ZNF257: variants seen among roughly 807,000 people sequenced by gnomAD.
ZNF257 encodes the protein zinc finger protein 257.
In ZNF257, 12 loss-of-function variants were observed where a neutral mutation model predicts 11.9. The observed-to-expected ratio is 1.01, with a 90% confidence interval of 0.65 to 1.63. The LOEUF is 1.63. Ranked by LOEUF, ZNF257 falls within the 40% of genes most tolerant of loss-of-function variation. The pLI is 0.00. For synonymous variants in ZNF257, 183 were observed against 222.7 expected (o/e 0.82, Z 1.59); for missense variants, 580 against 665.5 (o/e 0.87, Z 1.41).
intron 1 of ZNF257, among the ~76,000 whole-genome samples, chr19:22,058,783 G>A (rs1043506939): frequency 1.3e-5 from 2 of 152,080 alleles, no homozygotes; most frequent in Non-Finnish European, 2.9e-5. Context: ...TTCCACAGCT[G>A]TCAGCACAGG....
At chr19:22,064,700 C>A (rs1015792450) in intron 1 of ZNF257, among the ~76,000 whole-genome samples, 2 of 152,146 alleles carry the variant, frequency 1.3e-5, no homozygotes, top group East Asian at 1.9e-4. Flanking sequence ...CCGTTTATTA[C>A]TTCAGAACAA....
intron 1 of ZNF257, among the ~76,000 whole-genome samples, chr19:22,069,845 A>G (rs1335834394): frequency 2.0e-5 from 3 of 152,118 alleles, no homozygotes; most frequent in Admixed American, 2.0e-4. Context: ...TTAAAGTTAC[A>G]TGAACTCTGG....
At chr19:22,061,345 A>C (rs1482093783) in intron 1 of ZNF257, among the ~76,000 whole-genome samples, 4 of 151,996 alleles carry the variant, frequency 2.6e-5, no homozygotes, top group Admixed American at 6.6e-5. Context: ...TGTCATAGAG[A>C]TCTTTCACCC....
chr19:22,090,783 T>G lies in ZNF257; in HGVS notation c.*1341T>G, dbSNP rs2022607971. 1.3e-5 allele frequency: 2 copies of G among 152,178 alleles called. No individual in the cohort carries two copies. The highest frequency in any genetic ancestry group is 4.1e-4 in the South Asian group (2 of 4,838). 9.4% of individuals were successfully genotyped at this position (152,178 alleles called of 1,614,324 possible). On this transcript the variant is annotated 3_prime_UTR_variant, in exon 4 of 4. Coordinates refer to ENST00000594947, the MANE Select transcript of ZNF257 (RefSeq NM_033468.4). The stretch of plus-strand genomic sequence containing the variant: ...GTAAGTCAACTCTCAAATTACTTCA[T>G]GCTGTTTCTTCATTTCTATTGTATT...
chr19:22,089,709 A>G lies in ZNF257; in HGVS notation c.*267A>G. The G allele has an allele frequency of 1.3e-6, 1 of 740,840 alleles. No homozygotes were observed. Among genetic ancestry groups the G allele is most frequent in the Non-Finnish European group, 2.0e-6 (1 of 506,610 alleles). The allele number at this position is 740,840 out of a possible 1,614,324, so 45.9% of individuals were successfully genotyped here. Reference sequence around the variant, plus strand: ...CACATGTGGAAGATAAAGCCTACAAATATGAAGAATGTGACAAGGCCTTTA... The same window carrying G: ...CACATGTGGAAGATAAAGCCTACAAGTATGAAGAATGTGACAAGGCCTTTA... On this transcript the variant is annotated 3_prime_UTR_variant, in exon 4 of 4. Transcript: ENST00000594947.
Position 22,088,870 on chromosome 19 carries a change from T to C in ZNF257, c.1120T>C (p.Cys374Arg). The change falls in exon 4 of 4, where the codon TGT (cysteine) becomes CGT (arginine). Residue 374 changes from cysteine (C) to arginine (R), a missense_variant. Cys to Arg is a radical substitution (Grantham distance 180). Transcript: ENST00000594947. The stretch of plus-strand genomic sequence containing the variant: ...TCATACTAAAGAGAAACCCTACAAA[T>C]GTGAAGAGTGTGGAAAAGCCTTTAA... ...IIHTKEKPYKCEECGKAFNRS... is the reference protein window; with the variant it reads ...IIHTKEKPYKREECGKAFNRS... The C allele has an allele frequency of 6.2e-7, 1 of 1,613,388 alleles. No homozygotes were observed. Among genetic ancestry groups the C allele is most frequent in the Non-Finnish European group, 8.5e-7 (1 of 1,179,708 alleles).
At chr19:22,078,236 TAAAAAAA>T (rs56056830) in intron 3 of ZNF257, among the ~76,000 whole-genome samples, 8 of 102,152 alleles carry the variant, frequency 7.8e-5, no homozygotes, top group Non-Finnish European at 1.4e-4. Flanking sequence ...AGACTCCAAC[TAAAAAAA>T]AAAAAAAAAA....
rs372373895 is a variant in ZNF257, at chr19:22,069,240, C to T, written c.4-3569C>T. 1.4e-4 allele frequency among the ~76,000 whole-genome samples: 21 copies of T among 152,164 alleles called. No homozygotes were observed. In the East Asian group the frequency reaches 2.9e-3, roughly 21 times the overall value. On this transcript the variant is annotated intron_variant, in intron 1 of 3. Transcript: ENST00000594947. ...GCAACTGGATAAACGATGAATTAAG[C>T]ATCATATGGTTGATATAATAAATAG...
At chr19:22,066,964 T>G (rs1250030957) in intron 1 of ZNF257, among the ~76,000 whole-genome samples, 2 of 151,752 alleles carry the variant, frequency 1.3e-5, no homozygotes, top group African/African-American at 4.9e-5. Context: ...CTGTAGAAAG[T>G]TTTTCTTTTC....
intron 1 of ZNF257, among the ~76,000 whole-genome samples, chr19:22,059,959 A>T (rs2021750314): frequency 6.6e-6 from 1 of 152,084 alleles, no homozygotes; most frequent in South Asian, 2.1e-4. Flanking sequence ...CAAACTCCTG[A>T]GCTCTGGCAA....
chr19:22,089,097 T>A lies in ZNF257; in HGVS notation c.1347T>A (p.His449Gln), dbSNP rs1286853897. The A allele has an allele frequency of 6.2e-7, 1 of 1,613,774 alleles. No homozygotes were observed. The highest frequency in any genetic ancestry group is 8.5e-7 in the Non-Finnish European group (1 of 1,179,888). The change falls in exon 4 of 4, where the codon CAT becomes CAA. Residue 449 changes from histidine (H) to glutamine (Q), a missense_variant. Transcript: ENST00000594947. ...AFNRSSYLIR[H>Q]KIIHTGEKPY... ...ACCGGTCTTCATACCTTATTCGACA[T>A]AAGATAATTCATACTGGAGAGAAAC...
chr19:22,067,028 G>C (rs1395914137), intron 1 of ZNF257, among the ~76,000 whole-genome samples: 1 of 151,710 alleles, frequency 6.6e-6, no homozygotes. Context: ...AAACACATAA[G>C]GTGCCAGCCA....
chr19:22,085,116 G>A (rs867989959), intron 3 of ZNF257, among the ~76,000 whole-genome samples: 12 of 151,976 alleles, frequency 7.9e-5, no homozygotes, highest in South Asian at 2.1e-4. Context: ...TCAGTGGCGC[G>A]ATTTCTGCTC....
intron 1 of ZNF257, among the ~76,000 whole-genome samples, 196 bp downstream of exon 1, chr19:22,052,831 C>T (rs1386086552): frequency 6.6e-6 from 1 of 152,120 alleles, no homozygotes; most frequent in African/African-American, 2.4e-5. Context: ...CCCGGGCGTC[C>T]TGTCTCTTCC....
intron 3 of ZNF257, among the ~76,000 whole-genome samples, chr19:22,083,032 G>A (rs180973706): frequency 7.5e-4 from 114 of 152,118 alleles, no homozygotes; most frequent in Non-Finnish European, 1.5e-3. Flanking sequence ...GTTGTGAAAG[G>A]TTGTTTAATC....
At chr19:22,087,660 G>T in intron 3 of ZNF257, 2 of 949,594 alleles carry the variant, frequency 2.1e-6, no homozygotes, top group Non-Finnish European at 2.7e-6. Flanking sequence ...ACTTCTAAGG[G>T]CACTATGTTA....
intron 3 of ZNF257, 38 bp from the exon 4 acceptor site, chr19:22,087,938 CT>C (rs1831832593): frequency 1.4e-6 from 2 of 1,446,388 alleles, no homozygotes; most frequent in Non-Finnish European, 1.8e-6. Context: ...TTACCTGAGT[CT>C]AGTAAGTGGA....
chr19:22,064,926 C>A (rs938039311), intron 1 of ZNF257, among the ~76,000 whole-genome samples: 6 of 151,682 alleles, frequency 4.0e-5, no homozygotes, highest in African/African-American at 1.2e-4. Flanking sequence ...TGGTGGCACG[C>A]GCCTATAGTC....
chr19:22,068,402 C>T (rs2043316), intron 1 of ZNF257, among the ~76,000 whole-genome samples: 35,937 of 151,916 alleles, frequency 0.24, 5,818 homozygotes, highest in African/African-American at 0.46. Flanking sequence ...CTGTAACACC[C>T]AAGAATGCAG....
Sources: gnomAD v4.1 joint callset for allele counts (sites outside exome capture counted in the v4.1 genomes callset) on GRCh38, gnomAD v4.1.1 for gene constraint, MANE v1.5 for transcripts, NCBI Gene and HGNC (gene_info 2026-07-23, HGNC 2026-07-21) for gene names.